The following MYL12B variants were observed in gnomAD, a reference collection of about 807,000 sequenced individuals.
MYL12B encodes the protein myosin regulatory light chain 12B.
In MYL12B, 3 loss-of-function variants were observed where a neutral mutation model predicts 12.9. That is an observed-to-expected ratio of 0.23 (90% CI 0.11 to 0.60). MYL12B has a LOEUF of 0.60. Among genes scored for constraint, MYL12B ranks in the 20% least tolerant of loss-of-function variants. The pLI is 0.89. For missense variants in MYL12B, 120 were observed against 215.4 expected, an observed-to-expected ratio of 0.56 and a Z score of 2.77; for synonymous variants, 57 against 71.9, an observed-to-expected ratio of 0.79 and a Z score of 1.05.
At chr18:3,266,800 T>A (rs959318028) in intron 1 of MYL12B, among the ~76,000 whole-genome samples, 5 of 152,244 alleles carry the variant, frequency 3.3e-5, no homozygotes, top group Non-Finnish European at 7.3e-5. Flanking sequence ...TCCTGGGGAT[T>A]ACTAAATGAA....
chr18:3,268,466 A>T (rs1001795086), intron 1 of MYL12B, among the ~76,000 whole-genome samples: 9 of 152,190 alleles, frequency 5.9e-5, no homozygotes. Flanking sequence ...GTTTCAAAGG[A>T]AAGCCATAAC....
chr18:3,270,947 T>C (rs1462228568), intron 1 of MYL12B, among the ~76,000 whole-genome samples: 1 of 152,178 alleles, frequency 6.6e-6, no homozygotes, highest in Non-Finnish European at 1.5e-5. Flanking sequence ...GTTGAGATTA[T>C]AGGTGTGAGC....
chr18:3,277,646 A>T, intron 3 of MYL12B, 119 bp from the exon 4 acceptor site: 1 of 1,339,708 alleles, frequency 7.5e-7, no homozygotes, highest in Non-Finnish European at 1.0e-6. Flanking sequence ...TCACTAACTT[A>T]CTTTGTTTAT....
chr18:3,278,458 G>GT (rs1175141813), exon 4 of MYL12B, among the ~76,000 whole-genome samples: 2 of 11,852 alleles, frequency 1.7e-4, no homozygotes, highest in Non-Finnish European at 7.2e-4. Context: ...TTATGCCATT[G>GT]TTTTTCACGC....
chr18:3,268,251 T>C (rs554025897), intron 1 of MYL12B, among the ~76,000 whole-genome samples: 1 of 152,374 alleles, frequency 6.6e-6, no homozygotes, highest in East Asian at 1.9e-4. Context: ...ATTAGAAATT[T>C]ATAGCAATAT....
chr18:3,265,543 C>A (rs1002420353), intron 1 of MYL12B, among the ~76,000 whole-genome samples: 3 of 146,834 alleles, frequency 2.0e-5, no homozygotes, highest in Non-Finnish European at 4.5e-5. Context: ...ATCAGCACTG[C>A]TAACAAGACC....
chr18:3,275,648 A>C (rs564652732), intron 2 of MYL12B, among the ~76,000 whole-genome samples: 3 of 152,186 alleles, frequency 2.0e-5, no homozygotes, highest in Admixed American at 6.5e-5. Context: ...TTACCTTTCA[A>C]ATCAACAGAT....
At chr18:3,275,122 G>T (rs2081718219) in intron 2 of MYL12B, among the ~76,000 whole-genome samples, 1 of 151,824 alleles carries the variant, frequency 6.6e-6, no homozygotes, top group Non-Finnish European at 1.5e-5. Flanking sequence ...ATGTACAATG[G>T]AATACTGTTC....
At chr18:3,270,349 A>T (rs1456277759) in intron 1 of MYL12B, among the ~76,000 whole-genome samples, 1 of 152,242 alleles carries the variant, frequency 6.6e-6, no homozygotes, top group African/African-American at 2.4e-5. Flanking sequence ...ATATAGTATT[A>T]CTACATTGAG....
intron 2 of MYL12B, chr18:3,276,389 G>A: frequency 1.0e-6 from 1 of 982,966 alleles, no homozygotes; most frequent in Non-Finnish European, 1.2e-6. Context: ...GCCATTCCAG[G>A]GAGATTTCTT....
At chr18:3,276,401 C>G (rs1598810602) in intron 2 of MYL12B, 2 of 984,110 alleles carry the variant, frequency 2.0e-6, no homozygotes, top group East Asian at 1.2e-4. Flanking sequence ...AGATTTCTTT[C>G]AGCTCCTAGG....
At chr18:3,265,122 TA>T (rs548332683) in intron 1 of MYL12B, among the ~76,000 whole-genome samples, 1 of 152,158 alleles carries the variant, frequency 6.6e-6, no homozygotes, top group East Asian at 1.9e-4. Context: ...TCCCTGGTGT[TA>T]AAAAAAGTTG....
chr18:3,265,572 C>G (rs1385756234), intron 1 of MYL12B, among the ~76,000 whole-genome samples: 3 of 152,206 alleles, frequency 2.0e-5, no homozygotes, highest in Admixed American at 6.5e-5. Flanking sequence ...GTCCTGTCCT[C>G]TACTAGCATT....
intron 1 of MYL12B, among the ~76,000 whole-genome samples, chr18:3,266,609 G>C (rs1207344567): frequency 6.6e-6 from 1 of 152,142 alleles, no homozygotes; most frequent in African/African-American, 2.4e-5. Flanking sequence ...GGAGATGTAG[G>C]GAGTAGAGGG....
In MYL12B at chr18:3,278,312, T is replaced by TG; in HGVS notation, c.*380dup. 1 of 173,126 alleles carries TG rather than the reference T, an allele frequency of 5.8e-6. No individual in the cohort carries two copies. Among genetic ancestry groups the TG allele is most frequent in the South Asian group, 1.3e-4 (1 of 7,598 alleles). The allele number at this position is 173,126 out of a possible 1,614,324, so 10.7% of individuals were successfully genotyped here. ...GCAAGTTAAACAAATGATTGATAGG[T>TG]GGGGGTAGTCCTTTTTTCAGGTTTT... is the stretch of plus-strand genomic sequence containing the variant. On this transcript the variant is annotated 3_prime_UTR_variant, in exon 4 of 4. Transcript: ENST00000237500.
At chr18:3,269,944 G>T (rs1283724989) in intron 1 of MYL12B, among the ~76,000 whole-genome samples, 1 of 152,202 alleles carries the variant, frequency 6.6e-6, no homozygotes, top group Non-Finnish European at 1.5e-5. Context: ...TTCCACCTGG[G>T]AAAGTTCATT....
At chr18:3,277,106 T>A in intron 2 of MYL12B, 147 bp from the exon 3 acceptor site, 9 of 1,250,002 alleles carry the variant, frequency 7.2e-6, no homozygotes, top group Non-Finnish European at 9.3e-6. Flanking sequence ...TCAAAAATAA[T>A]CTTTTTAAAA....
Position 3,278,007 on chromosome 18 carries a change from C to G in MYL12B, c.*70C>G, listed in dbSNP as rs1177078253. On this transcript the variant is annotated 3_prime_UTR_variant, in exon 4 of 4. Transcript: ENST00000237500. ...TTTACTTCTCAGACACTTCCCCCAC[C>G]CTCATAGAACCTGTTGCATGCAACT... The G allele has an allele frequency of 2.0e-6, 3 of 1,535,422 alleles. No homozygotes were observed. The South Asian group carries it at 3.6e-5, about 18-fold the overall frequency.
intron 2 of MYL12B, chr18:3,276,943 A>G: frequency 1.0e-6 from 1 of 981,314 alleles, no homozygotes; most frequent in Non-Finnish European, 1.2e-6. Flanking sequence ...AAAAAAAATT[A>G]AGATGTAATA....
Sources: gnomAD v4.1 joint callset for allele counts (sites outside exome capture counted in the v4.1 genomes callset) on GRCh38, gnomAD v4.1.1 for gene constraint, MANE v1.5 for transcripts, NCBI Gene and HGNC (gene_info 2026-07-23, HGNC 2026-07-21) for gene names.